The following SPATS2 variants were observed in gnomAD, a reference collection of about 807,000 sequenced individuals.
The protein encoded by SPATS2 is spermatogenesis-associated serine-rich protein 2.
In SPATS2, 38 loss-of-function variants were observed where a neutral mutation model predicts 63.7. The observed-to-expected ratio is 0.60, with a 90% CI of 0.46 to 0.78. The LOEUF (loss-of-function observed/expected upper bound fraction) is 0.78. SPATS2 is among the 30% of genes least tolerant of loss of function. SPATS2 has a pLI of 0.00. For missense variants in SPATS2, 588 were observed against 666.2 expected (o/e 0.88, Z 1.29); for synonymous variants, 207 against 232.9 (o/e 0.89, Z 1.01).
chr12:49,456,077 A>G (rs1273167736), intron 2 of SPATS2, among the ~76,000 whole-genome samples: 1 of 151,892 alleles, frequency 6.6e-6, no homozygotes, highest in African/African-American at 2.4e-5. Context: ...GCCTGTGGGT[A>G]TGGGGTTTTT....
intron 2 of SPATS2, among the ~76,000 whole-genome samples, chr12:49,437,581 C>T (rs937254119): frequency 6.6e-5 from 10 of 152,340 alleles, no homozygotes; most frequent in Admixed American, 6.5e-4. Context: ...CATCCCGGCA[C>T]CTCGGGAGGC....
intron 2 of SPATS2, among the ~76,000 whole-genome samples, chr12:49,458,918 C>T (rs1945769595): frequency 6.6e-6 from 1 of 152,002 alleles, no homozygotes; most frequent in Admixed American, 6.6e-5. Flanking sequence ...TTCAGTTTTC[C>T]ATGTTAAAAT....
chr12:49,470,103 C>G (rs978280021), intron 3 of SPATS2, among the ~76,000 whole-genome samples: 1 of 151,864 alleles, frequency 6.6e-6, no homozygotes, highest in Admixed American at 6.6e-5. Flanking sequence ...ACAGTCTTGG[C>G]TCACTGCAAC....
intron 2 of SPATS2, among the ~76,000 whole-genome samples, chr12:49,423,227 G>A (rs1359844074): frequency 2.0e-5 from 3 of 151,738 alleles, no homozygotes; most frequent in African/African-American, 4.8e-5. Flanking sequence ...CTGCCTCATG[G>A]GTTCAAGCGA....
chr12:49,391,633 T>C (rs1565698998), intron 2 of SPATS2, among the ~76,000 whole-genome samples: 1 of 152,228 alleles, frequency 6.6e-6, no homozygotes, highest in Non-Finnish European at 1.5e-5. Flanking sequence ...GTTGTGATTG[T>C]AGTAAAAAGG....
chr12:49,456,308 A>G (rs1364309617), intron 2 of SPATS2, among the ~76,000 whole-genome samples: 1 of 152,236 alleles, frequency 6.6e-6, no homozygotes, highest in African/African-American at 2.4e-5. Flanking sequence ...TTGAGGAAGT[A>G]TTCCATGTAG....
intron 3 of SPATS2, among the ~76,000 whole-genome samples, chr12:49,472,946 A>G (rs1026755146): frequency 6.7e-6 from 1 of 150,284 alleles, no homozygotes; most frequent in African/African-American, 2.4e-5. Flanking sequence ...GCTACTCAGG[A>G]GGCTTAGGCT....
At chr12:49,398,841 A>G (rs1289721194) in intron 2 of SPATS2, among the ~76,000 whole-genome samples, 1 of 152,166 alleles carries the variant, frequency 6.6e-6, no homozygotes, top group African/African-American at 2.4e-5. Flanking sequence ...TTCCTGTGGG[A>G]TATCCAGGTG....
Position 49,367,571 on chromosome 12 carries a change from G to A in SPATS2, c.-323G>A, listed in dbSNP as rs1943920818. On this transcript the variant is annotated 5_prime_UTR_variant, in exon 1 of 14. Coordinates refer to ENST00000552918, the MANE Select transcript of SPATS2 (RefSeq NM_023071.4). ...CCGGAGCTGGGGCGACGAGGCGATT[G>A]CGGGGGCCTGGGCTAGGTGAGGCTA... The A allele has an allele frequency of 1.0e-5, 4 of 398,510 alleles. No individual in the cohort carries two copies. In the Admixed American group the frequency reaches 1.8e-4, roughly 18 times the overall value. The allele number at this position is 398,510 out of a possible 1,614,324, so 24.7% of individuals were successfully genotyped here. A position where few individuals can be genotyped will look rare whatever the true frequency, so the allele number is the denominator to read the frequency against.
At chr12:49,500,323 A>G in intron 9 of SPATS2, 118 bp downstream of exon 9, 1 of 1,152,968 alleles carries the variant, frequency 8.7e-7, no homozygotes, top group Non-Finnish European at 1.2e-6. Flanking sequence ...GGAGAGACTT[A>G]TAAATCCTAT....
At chr12:49,508,315 C>A (rs1201247223) in intron 9 of SPATS2, among the ~76,000 whole-genome samples, 2 of 152,142 alleles carry the variant, frequency 1.3e-5, no homozygotes, top group Non-Finnish European at 2.9e-5. Context: ...TCAAGCGATT[C>A]TCCTGCCTCA....
At chr12:49,416,414 A>G (rs1281047836) in intron 2 of SPATS2, among the ~76,000 whole-genome samples, 2 of 152,168 alleles carry the variant, frequency 1.3e-5, no homozygotes, top group Non-Finnish European at 2.9e-5. Flanking sequence ...GGTATCTTAT[A>G]TGGTGACTTG....
intron 9 of SPATS2, among the ~76,000 whole-genome samples, chr12:49,511,223 A>G (rs544594529): frequency 3.9e-5 from 6 of 152,282 alleles, no homozygotes; most frequent in East Asian, 1.9e-4. Flanking sequence ...ATCTTATAGA[A>G]TAAGTCGAGC....
chr12:49,513,207 AAGAG>A (rs1946780609), intron 9 of SPATS2, among the ~76,000 whole-genome samples: 1 of 144,190 alleles, frequency 6.9e-6, no homozygotes, highest in Admixed American at 6.8e-5. Context: ...GCGAGAGAGA[AAGAG>A]TGTGTGTGTG....
chr12:49,459,016 C>T (rs1592418473), intron 2 of SPATS2, among the ~76,000 whole-genome samples: 1 of 152,072 alleles, frequency 6.6e-6, no homozygotes, highest in Non-Finnish European at 1.5e-5. Context: ...GGCAGCTGGC[C>T]TGCAAATGTA....
At chr12:49,514,303 G>T in intron 9 of SPATS2, 1 of 389,942 alleles carries the variant, frequency 2.6e-6, no homozygotes. Flanking sequence ...GTCTACAATT[G>T]GTGTACTGCT....
intron 2 of SPATS2, among the ~76,000 whole-genome samples, chr12:49,398,135 C>CAAAAAAAAAAAA (rs71080193): frequency 2.9e-4 from 13 of 45,356 alleles, no homozygotes; most frequent in East Asian, 9.5e-4. Context: ...GACCCTGTCT[C>CAAAAAAAAAAAA]AAAAAAAAAA....
chr12:49,501,056 A>G (rs1298630649), intron 9 of SPATS2, among the ~76,000 whole-genome samples: 6 of 152,040 alleles, frequency 3.9e-5, no homozygotes, highest in South Asian at 2.1e-4. Context: ...GGCTCCAGCA[A>G]TCCTCCCACC....
At chr12:49,443,428 A>G (rs930352168) in intron 2 of SPATS2, among the ~76,000 whole-genome samples, 10 of 152,006 alleles carry the variant, frequency 6.6e-5, no homozygotes, top group South Asian at 2.1e-4. Flanking sequence ...CTTCTATTCT[A>G]TTGATCTATA....
Sources: allele counts gnomAD v4.1 joint callset (sites outside exome capture counted in the v4.1 genomes callset), GRCh38; gene constraint gnomAD v4.1.1; transcripts MANE v1.5; gene names NCBI Gene and HGNC (gene_info 2026-07-23, HGNC 2026-07-21).